The following C3orf18 variants were observed in gnomAD, a reference collection of about 807,000 sequenced individuals.
C3orf18 encodes the protein chromosome 3 open reading frame 18.
A neutral mutation model predicts 14.1 loss-of-function variants in C3orf18; 12 were observed. The ratio of observed to expected loss-of-function variants is 0.85; its 90% confidence interval spans 0.55 to 1.38. The LOEUF (loss-of-function observed/expected upper bound fraction) is 1.38. C3orf18 is among the 40% of genes most tolerant of loss of function. The pLI, the probability that C3orf18 is intolerant of heterozygous loss-of-function variation, is 0.00. For missense variants in C3orf18, 196 were observed against 213.9 expected (o/e 0.92, Z 0.52); for synonymous variants, 82 against 87.9 (o/e 0.93, Z 0.38).
At chr3:50,560,612 A>T (rs1053001471) in intron 5 of C3orf18, among the ~76,000 whole-genome samples, 2 of 152,074 alleles carry the variant, frequency 1.3e-5, no homozygotes, top group African/African-American at 4.8e-5. Context: ...AAGAATTAGG[A>T]TTTTCAATTG....
At chr3:50,560,530 T>A (rs943108366) in intron 5 of C3orf18, among the ~76,000 whole-genome samples, 2 of 152,068 alleles carry the variant, frequency 1.3e-5, no homozygotes, top group African/African-American at 4.8e-5. Flanking sequence ...GAACCTGGGG[T>A]CCTAGCCGCC....
At chr3:50,571,809 C>A (rs1205079265), upstream of C3orf18, 4 of 1,612,384 alleles carry the variant, frequency 2.5e-6, no homozygotes, top group South Asian at 4.4e-5. Flanking sequence ...GAGGTGAGCA[C>A]CCATGGATCA....
chr3:50,571,584 C>G, upstream of C3orf18: 4 of 922,752 alleles, frequency 4.3e-6, no homozygotes, highest in Non-Finnish European at 7.1e-6. Flanking sequence ...GCTGCCCCCT[C>G]TGGGCCCAGA....
upstream of C3orf18, chr3:50,571,854 G>A (rs944225884): frequency 8.4e-6 from 13 of 1,547,620 alleles, no homozygotes; most frequent in Non-Finnish European, 1.1e-5. Context: ...CAGCAGTCCA[G>A]CCTCCCCTAT....
upstream of C3orf18, chr3:50,571,714 A>G (rs777454536): frequency 1.1e-5 from 17 of 1,614,170 alleles, no homozygotes; most frequent in East Asian, 3.8e-4. Context: ...GGACAGTTTC[A>G]GAGCCTGAGG....
chr3:50,566,985 C>T (rs1212367246), intron 1 of C3orf18, among the ~76,000 whole-genome samples: 2 of 152,154 alleles, frequency 1.3e-5, no homozygotes, highest in Non-Finnish European at 2.9e-5. Context: ...AGTGGGGTTG[C>T]CTCCCTGTGC....
upstream of C3orf18, chr3:50,571,596 G>A (rs1404475249): frequency 8.0e-6 from 8 of 997,914 alleles, no homozygotes; most frequent in African/African-American, 1.1e-4. Flanking sequence ...GGGCCCAGAT[G>A]ATGAGAGGGT....
upstream of C3orf18, chr3:50,571,698 C>T: frequency 1.2e-6 from 2 of 1,613,722 alleles, no homozygotes; most frequent in Non-Finnish European, 1.7e-6. Context: ...CTTATATTCT[C>T]TGTGGGGACA....
upstream of C3orf18, among the ~76,000 whole-genome samples, chr3:50,572,829 C>T (rs1037633128): frequency 2.0e-5 from 3 of 152,210 alleles, no homozygotes; most frequent in South Asian, 2.1e-4. Context: ...CTGGAAGAGA[C>T]GCTTTATATG....
upstream of C3orf18, among the ~76,000 whole-genome samples, chr3:50,568,825 T>C (rs1298036183): frequency 6.6e-6 from 1 of 152,054 alleles, no homozygotes; most frequent in African/African-American, 2.4e-5. Flanking sequence ...CAAGACACAC[T>C]TTGCGAGACG....
chr3:50,561,398 T>C (rs1332811441), intron 4 of C3orf18, among the ~76,000 whole-genome samples: 1 of 152,124 alleles, frequency 6.6e-6, no homozygotes, highest in African/African-American at 2.4e-5. Context: ...GGGGAGCCAG[T>C]AGCAGTCAGC....
At chr3:50,564,284 T>A (rs2107289590) in intron 3 of C3orf18, among the ~76,000 whole-genome samples, 1 of 152,356 alleles carries the variant, frequency 6.6e-6, no homozygotes, top group South Asian at 2.1e-4. Context: ...CTGCACGATC[T>A]CCAGTGGTCC....
upstream of C3orf18, chr3:50,572,193 T>G (rs2232248): frequency 0.84 from 1,351,773 of 1,612,806 alleles, 571,336 homozygotes; most frequent in Middle Eastern, 0.9. Context: ...TGTTTATTCC[T>G]CGGCCAGAAA....
chr3:50,559,614 C>T lies in C3orf18; in HGVS notation c.*43G>A, dbSNP rs757922902. The T allele has an allele frequency of 8.6e-6, 13 of 1,505,388 alleles. No individual in the cohort carries two copies. In the South Asian group the frequency reaches 1.2e-4, roughly 13 times the overall value. 93.3% of individuals were successfully genotyped at this position (1,505,388 alleles called of 1,614,324 possible). A position where few individuals can be genotyped will look rare whatever the true frequency, so the allele number is the denominator to read the frequency against. On this transcript the variant is annotated 3_prime_UTR_variant, in exon 6 of 6. Coordinates refer to ENST00000357203, the MANE Select transcript of C3orf18 (RefSeq NM_016210.5). ...AGGGAGTGGGGAGCTCTGTAGGCAC[C>T]GTGATGGGTCTCTATCAGAAGTCCA...
upstream of C3orf18, among the ~76,000 whole-genome samples, chr3:50,567,978 C>A (rs1248345253): frequency 1.3e-5 from 2 of 152,266 alleles, no homozygotes; most frequent in African/African-American, 4.8e-5. Flanking sequence ...GGGACCCCTG[C>A]CAGCTACCCG....
chr3:50,566,637 A>G (rs934908414), intron 1 of C3orf18, among the ~76,000 whole-genome samples: 5 of 151,326 alleles, frequency 3.3e-5, no homozygotes, highest in African/African-American at 1.2e-4. Flanking sequence ...TGGAAAGACC[A>G]GAAGACAAGA....
intron 3 of C3orf18, 121 bp from the exon 4 acceptor site, chr3:50,561,868 T>A: frequency 1.1e-6 from 1 of 933,024 alleles, no homozygotes; most frequent in Non-Finnish European, 1.7e-6. Context: ...CCCGTCCTAA[T>A]GACACATACA....
rs1455545325 is a variant in C3orf18 at position 50,561,708 on chromosome 3, G to C, written c.260+14C>G. 6.2e-7 allele frequency: 1 copy of C among 1,613,104 alleles called. No individual in the cohort carries two copies. Among genetic ancestry groups the C allele is most frequent in the East Asian group, 2.2e-5 (1 of 44,890 alleles). On this transcript the variant is annotated intron_variant, in intron 4 of 5. Coordinates refer to ENST00000357203, the MANE Select transcript of C3orf18 (RefSeq NM_016210.5). ...CAAGTTTTGGGTGGGATTTGGGTTT[G>C]GGTGGGGAATTACCTCTTCTTCTTC...
intron 3 of C3orf18, among the ~76,000 whole-genome samples, chr3:50,562,956 G>T (rs1328695721): frequency 6.6e-6 from 1 of 152,132 alleles, no homozygotes; most frequent in Non-Finnish European, 1.5e-5. Context: ...ACCACCTTGG[G>T]CGGGGAATCC....
Sources: gnomAD v4.1 joint callset for allele counts (sites outside exome capture counted in the v4.1 genomes callset) on GRCh38, gnomAD v4.1.1 for gene constraint, MANE v1.5 for transcripts, NCBI Gene and HGNC (gene_info 2026-07-23, HGNC 2026-07-21) for gene names.